IQCM: variants seen among roughly 807,000 people sequenced by gnomAD.
The protein encoded by IQCM is IQ motif containing M.
In IQCM, 45 loss-of-function variants were observed where a neutral mutation model predicts 57.6. The observed-to-expected ratio is 0.78, with a 90% CI of 0.62 to 1.00. IQCM has a LOEUF of 1.00. Ranked by LOEUF, IQCM falls within the 50% of genes least tolerant of loss-of-function variation. The pLI, the probability that IQCM is intolerant of heterozygous loss-of-function variation, is 0.00. For missense variants in IQCM, 468 were observed against 511.6 expected, an observed-to-expected ratio of 0.91 and a Z score of 0.82; for synonymous variants, 148 against 158.9, an observed-to-expected ratio of 0.93 and a Z score of 0.51.
At chr4:149,353,176 A>T (rs1290796830) in intron 13 of IQCM, among the ~76,000 whole-genome samples, 1 of 152,196 alleles carries the variant, frequency 6.6e-6, no homozygotes, top group African/African-American at 2.4e-5. Flanking sequence ...CAACAGGTAT[A>T]TGAAAATGCA....
intron 12 of IQCM, among the ~76,000 whole-genome samples, chr4:149,437,844 G>A (rs1363770801): frequency 3.3e-5 from 5 of 152,014 alleles, no homozygotes; most frequent in South Asian, 2.1e-4. Context: ...CAAAATGCAT[G>A]GGCAAGAACA....
chr4:149,555,729 G>T (rs1159079184), intron 10 of IQCM, among the ~76,000 whole-genome samples: 1 of 152,082 alleles, frequency 6.6e-6, no homozygotes, highest in Non-Finnish European at 1.5e-5. Flanking sequence ...GCAGTTTTTT[G>T]ACTGTATCTT....
At chr4:149,724,985 G>A (rs947822538) in intron 5 of IQCM, among the ~76,000 whole-genome samples, 9 of 151,818 alleles carry the variant, frequency 5.9e-5, no homozygotes, top group African/African-American at 1.9e-4. Flanking sequence ...AATACAAACT[G>A]GTTAAGCAGT....
At chr4:149,386,786 C>T (rs775243347) in intron 13 of IQCM, among the ~76,000 whole-genome samples, 2 of 151,784 alleles carry the variant, frequency 1.3e-5, no homozygotes, top group Non-Finnish European at 2.9e-5. Flanking sequence ...TATAGAATGT[C>T]CTATATTATA....
At chr4:149,368,756 GTA>G (rs34134697) in intron 13 of IQCM, among the ~76,000 whole-genome samples, 10,111 of 72,984 alleles carry the variant, frequency 0.14, 1,546 homozygotes, top group South Asian at 0.25. Flanking sequence ...ATATATACAT[GTA>G]TATATATATA....
At chr4:149,486,974 C>T (rs913057604) in intron 12 of IQCM, among the ~76,000 whole-genome samples, 8 of 150,728 alleles carry the variant, frequency 5.3e-5, no homozygotes, top group African/African-American at 1.9e-4. Flanking sequence ...GTCCCTTTTA[C>T]TTTTCCCTCT....
At chr4:149,532,572 C>G (rs901759146) in intron 12 of IQCM, among the ~76,000 whole-genome samples, 31 of 141,672 alleles carry the variant, frequency 2.2e-4, no homozygotes, top group Non-Finnish European at 2.6e-4. Flanking sequence ...TTCTTTTTAT[C>G]ACTAGAGGAC....
At chr4:149,392,733 A>C (rs1731954043) in intron 13 of IQCM, among the ~76,000 whole-genome samples, 1 of 152,054 alleles carries the variant, frequency 6.6e-6, no homozygotes, top group African/African-American at 2.4e-5. Flanking sequence ...CTCAGAATCC[A>C]AAATTTACAC....
intron 13 of IQCM, among the ~76,000 whole-genome samples, chr4:149,387,142 G>T (rs181813823): frequency 4.0e-4 from 61 of 152,126 alleles, no homozygotes; most frequent in Admixed American, 7.2e-4. Context: ...CAAGATCAAG[G>T]TATTAGCAGA....
chr4:149,524,017 C>T (rs916548482), intron 12 of IQCM, among the ~76,000 whole-genome samples: 1 of 151,904 alleles, frequency 6.6e-6, no homozygotes, highest in African/African-American at 2.4e-5. Flanking sequence ...TGTCCATCAA[C>T]AAGAGAATGA....
intron 12 of IQCM, among the ~76,000 whole-genome samples, chr4:149,444,538 T>C (rs1026074978): frequency 1.3e-5 from 2 of 151,976 alleles, no homozygotes; most frequent in Admixed American, 1.3e-4. Context: ...ACATCATTTA[T>C]AAACGTGTAT....
In IQCM at chr4:149,380,714, A is replaced by G. The variant is rs141949659; in HGVS notation, c.1391-28648T>C. Among the ~76,000 whole-genome samples, 437 of 152,286 alleles carry G rather than the reference A, an allele frequency of 2.9e-3. 4 individuals are homozygous for G. The highest frequency in any genetic ancestry group is 0.01 in the African/African-American group (416 of 41,572). On this transcript the variant is annotated intron_variant, in intron 13 of 13. Transcript: ENST00000636793. The stretch of plus-strand genomic sequence containing the variant: ...CAGGTATCAGGAAAGAGAAAAAAGT[A>G]AATGTGCAAAGAGAAAGAGTGCTAA...
In IQCM at chr4:149,658,556, G is replaced by A. The variant is rs957566719; in HGVS notation, c.565+23562C>T. On this transcript the variant is annotated intron_variant, in intron 7 of 13. Coordinates refer to ENST00000636793, the MANE Select transcript of IQCM (RefSeq NM_001363507.2). ...TGTGAAGAATATTGATATTTTCATA[G>A]GGTTGCTTCAGGTAGTATAGCCACT... is the stretch of plus-strand genomic sequence containing the variant. Among the ~76,000 whole-genome samples the A allele has an allele frequency of 2.0e-5, 3 of 151,512 alleles. No homozygotes were observed. The East Asian group carries it at 5.8e-4, about 29-fold the overall frequency.
intron 7 of IQCM, among the ~76,000 whole-genome samples, chr4:149,647,262 T>C (rs1044110883): frequency 2.0e-5 from 3 of 152,186 alleles, no homozygotes; most frequent in Non-Finnish European, 4.4e-5. Flanking sequence ...TAATTGATTA[T>C]ATTTACTATT....
At chr4:149,455,901 A>G (rs566868708) in intron 12 of IQCM, among the ~76,000 whole-genome samples, 5 of 151,974 alleles carry the variant, frequency 3.3e-5, no homozygotes, top group African/African-American at 1.2e-4. Context: ...CCTGAGCCCA[A>G]GAGGTGGAGG....
intron 12 of IQCM, among the ~76,000 whole-genome samples, chr4:149,523,770 C>T (rs1348205852): frequency 3.3e-5 from 5 of 151,932 alleles, no homozygotes; most frequent in African/African-American, 1.2e-4. Flanking sequence ...TGGAATTATA[C>T]ACAAAGTAAG....
intron 8 of IQCM, among the ~76,000 whole-genome samples, chr4:149,611,352 G>A (rs563970952): frequency 1.3e-5 from 2 of 152,164 alleles, no homozygotes; most frequent in African/African-American, 4.8e-5. Context: ...CAAAGGAAAG[G>A]AAATCAGTAT....
chr4:149,502,556 C>T (rs1743362870), intron 12 of IQCM, among the ~76,000 whole-genome samples: 1 of 152,056 alleles, frequency 6.6e-6, no homozygotes, highest in Non-Finnish European at 1.5e-5. Context: ...ACCTGTAAGT[C>T]CTAGCTACTC....
intron 12 of IQCM, among the ~76,000 whole-genome samples, chr4:149,537,048 C>T (rs1431224897): frequency 6.6e-6 from 1 of 151,850 alleles, no homozygotes; most frequent in Non-Finnish European, 1.5e-5. Context: ...TCAACAATAA[C>T]AACAACAAAA....
Sources: gnomAD v4.1 joint callset for allele counts (sites outside exome capture counted in the v4.1 genomes callset) on GRCh38, gnomAD v4.1.1 for gene constraint, MANE v1.5 for transcripts, NCBI Gene and HGNC (gene_info 2026-07-23, HGNC 2026-07-21) for gene names.